CNTNAP2: variants seen among roughly 807,000 people sequenced by gnomAD.
CNTNAP2 encodes the protein contactin-associated protein-like 2.
CNTNAP2 carries 98 observed loss-of-function variants against 155.2 expected under a neutral mutation model. The observed-to-expected ratio is 0.63, with a 90% CI of 0.54 to 0.75. The LOEUF (loss-of-function observed/expected upper bound fraction) is 0.75, where lower values mean the gene tolerates loss of function less well. Ranked by LOEUF, CNTNAP2 falls within the 30% of genes least tolerant of loss-of-function variation. The pLI is 0.00. For synonymous variants in CNTNAP2, 651 were observed against 631.2 expected (o/e 1.03, Z -0.47); for missense variants, 1,727 against 1,688.1 (o/e 1.02, Z -0.40).
At chr7:147,236,955 T>A (rs1157970542) in intron 8 of CNTNAP2, among the ~76,000 whole-genome samples, 1 of 151,488 alleles carries the variant, frequency 6.6e-6, no homozygotes, top group Non-Finnish European at 1.5e-5. Context: ...GTAAAATTTA[T>A]ACCCTTTGGA....
At chr7:147,874,445 C>T (rs1799387405) in intron 13 of CNTNAP2, among the ~76,000 whole-genome samples, 1 of 152,232 alleles carries the variant, frequency 6.6e-6, no homozygotes, top group Non-Finnish European at 1.5e-5. Context: ...GGTTTGTGCC[C>T]TCTGAAGCCA....
chr7:147,992,087 C>CTTTTTTTTTTTTTTTTTTTTTTT (rs36015914), intron 15 of CNTNAP2, among the ~76,000 whole-genome samples: 1 of 72,774 alleles, frequency 1.4e-5, no homozygotes, highest in Non-Finnish European at 2.4e-5. Flanking sequence ...ATTACTACCT[C>CTTTTTTTTTTTTTTTTTTTTTTT]TTTTTTTTTT....
intron 10 of CNTNAP2, among the ~76,000 whole-genome samples, chr7:147,396,876 T>C (rs1009289703): frequency 6.6e-6 from 1 of 152,090 alleles, no homozygotes; most frequent in Admixed American, 6.6e-5. Flanking sequence ...TGAACTAAGA[T>C]ATTAATCCTA....
At chr7:146,442,561 G>C (rs958090265) in intron 1 of CNTNAP2, among the ~76,000 whole-genome samples, 3 of 151,606 alleles carry the variant, frequency 2.0e-5, no homozygotes, top group East Asian at 1.9e-4. Flanking sequence ...CAAAAACTCT[G>C]TGTTGAATTG....
At chr7:147,201,135 G>A (rs747521969) in intron 8 of CNTNAP2, among the ~76,000 whole-genome samples, 3 of 152,150 alleles carry the variant, frequency 2.0e-5, no homozygotes, top group Non-Finnish European at 2.9e-5. Flanking sequence ...TGTTTTGAGG[G>A]TCAGAGAGAG....
At chr7:147,374,530 T>A (rs1406913214) in intron 9 of CNTNAP2, among the ~76,000 whole-genome samples, 2 of 152,104 alleles carry the variant, frequency 1.3e-5, no homozygotes, top group Non-Finnish European at 2.9e-5. Flanking sequence ...TAGTCTAGGT[T>A]ATCAATGCCT....
At chr7:146,227,428 C>CAA (rs755623604) in intron 1 of CNTNAP2, among the ~76,000 whole-genome samples, 1,627 of 58,776 alleles carry the variant, frequency 0.028, 63 homozygotes, top group African/African-American at 0.09. Flanking sequence ...CTGTCTCAAA[C>CAA]AAAAAAAAAA....
intron 9 of CNTNAP2, among the ~76,000 whole-genome samples, chr7:147,372,486 T>C (rs1011636390): frequency 1.2e-4 from 18 of 152,166 alleles, no homozygotes; most frequent in Non-Finnish European, 1.9e-4. Context: ...TGTTCATTCC[T>C]GAACTCTATC....
chr7:147,152,561 T>C (rs1299908193), intron 8 of CNTNAP2, among the ~76,000 whole-genome samples: 2 of 152,080 alleles, frequency 1.3e-5, no homozygotes, highest in Non-Finnish European at 2.9e-5. Flanking sequence ...TTGGTACTGA[T>C]CTTGGTAGTA....
intron 1 of CNTNAP2, among the ~76,000 whole-genome samples, chr7:146,659,984 T>C (rs1044094063): frequency 2.6e-5 from 4 of 152,182 alleles, no homozygotes; most frequent in South Asian, 2.1e-4. Flanking sequence ...GATTATCCCA[T>C]TGGCAAACTC....
At chr7:148,176,996 T>A (rs1222000967) in intron 18 of CNTNAP2, among the ~76,000 whole-genome samples, 4 of 152,244 alleles carry the variant, frequency 2.6e-5, no homozygotes, top group Admixed American at 2.6e-4. Flanking sequence ...TAATTATCAA[T>A]GTCACTTTTA....
At chr7:146,345,950 G>T (rs1034261776) in intron 1 of CNTNAP2, among the ~76,000 whole-genome samples, 2 of 152,064 alleles carry the variant, frequency 1.3e-5, no homozygotes, top group African/African-American at 4.8e-5. Context: ...AATAATAAAT[G>T]AATACATATT....
intron 13 of CNTNAP2, among the ~76,000 whole-genome samples, chr7:147,706,023 G>C (rs1190393037): frequency 6.6e-6 from 1 of 151,910 alleles, no homozygotes; most frequent in Non-Finnish European, 1.5e-5. Context: ...CTTTTAAGTG[G>C]AAGGTTTAAC....
chr7:148,373,169 AAAAGT>A (rs1393676255), intron 21 of CNTNAP2, among the ~76,000 whole-genome samples: 3 of 152,200 alleles, frequency 2.0e-5, no homozygotes, highest in African/African-American at 7.2e-5. Context: ...AAAATAAAAA[AAAAGT>A]AGGCCAGGTG....
intron 1 of CNTNAP2, among the ~76,000 whole-genome samples, chr7:146,311,450 C>T (rs1454272778): frequency 6.6e-6 from 1 of 151,742 alleles, no homozygotes; most frequent in Non-Finnish European, 1.5e-5. Context: ...CTTCTTATGA[C>T]AAATCAACAT....
intron 18 of CNTNAP2, among the ~76,000 whole-genome samples, chr7:148,208,463 G>A (rs1035534161): frequency 3.9e-5 from 6 of 152,120 alleles, no homozygotes; most frequent in African/African-American, 1.4e-4. Context: ...GAGGAGCACT[G>A]GAGGGAAAAC....
intron 1 of CNTNAP2, among the ~76,000 whole-genome samples, chr7:146,155,866 A>AT (rs905033383): frequency 2.6e-4 from 39 of 150,224 alleles, no homozygotes; most frequent in Middle Eastern, 6.8e-3. Context: ...TGCCTGACTA[A>AT]TTTTTTTTTG....
intron 13 of CNTNAP2, among the ~76,000 whole-genome samples, chr7:147,832,551 T>A (rs1039743154): frequency 2.6e-4 from 38 of 144,562 alleles, no homozygotes; most frequent in African/African-American, 9.7e-4. Flanking sequence ...TTCAATATAT[T>A]ATATTGAAAT....
intron 8 of CNTNAP2, among the ~76,000 whole-genome samples, chr7:147,286,902 A>C (rs1805191555): frequency 6.6e-6 from 1 of 152,056 alleles, no homozygotes; most frequent in African/African-American, 2.4e-5. Context: ...ATAAGAGTTG[A>C]CTAGTCCCTG....
Sources: allele counts gnomAD v4.1 joint callset (sites outside exome capture counted in the v4.1 genomes callset), GRCh38; gene constraint gnomAD v4.1.1; transcripts MANE v1.5; gene names NCBI Gene and HGNC (gene_info 2026-07-23, HGNC 2026-07-21).